Variants in CLRN1 observed in about 807,000 individuals in gnomAD.
CLRN1 encodes clarin-1.
CLRN1 carries 15 observed loss-of-function variants against 18.7 expected under a neutral mutation model. The observed-to-expected ratio is 0.80, with a 90% CI of 0.54 to 1.23. The LOEUF (loss-of-function observed/expected upper bound fraction) is 1.23. CLRN1 is among the 50% of genes most tolerant of loss of function. The probability of loss-of-function intolerance (pLI) is 0.00; values close to 1 mark genes in which losing one functional copy is unlikely to be tolerated. For synonymous variants in CLRN1, 104 were observed against 102.9 expected (o/e 1.01, Z -0.07); for missense variants, 311 against 277.5 (o/e 1.12, Z -0.86).
chr3:150,972,559 T>G lies in CLRN1; in HGVS notation c.150A>C (p.Ser50=). ...CCATAAACTTGTCCAGCTCCTGCCC[T>G]GAGGCATTGACGAGCAGAGCTCCCG... The part of the protein sequence containing the change: ...CKTGALLVNA[S]GQELDKFMGE... The change falls in exon 1 of 3, where the codon TCA becomes TCC. Residue 50 remains serine (S), a synonymous_variant. Transcript: ENST00000327047. The G allele has an allele frequency of 6.2e-7, 1 of 1,614,232 alleles. No individual in the cohort carries two copies. Among genetic ancestry groups the G allele is most frequent in the Non-Finnish European group, 8.5e-7 (1 of 1,180,036 alleles).
At chr3:150,942,778 C>G (rs1713932985) in intron 1 of CLRN1, 2 of 272,210 alleles carry the variant, frequency 7.3e-6, no homozygotes, top group Non-Finnish European at 1.5e-5. Context: ...TCTCATTTTT[C>G]TCCAATGCCT....
At position 150,952,769 on chromosome 3, in the gene CLRN1, G is replaced by A. The variant is rs1576639093; in HGVS notation, c.254-11008C>T. Among the ~76,000 whole-genome samples the A allele has an allele frequency of 2.0e-5, 3 of 152,284 alleles. No individual in the cohort carries two copies. The South Asian group carries it at 6.2e-4, about 32-fold the overall frequency. Reference sequence around the variant, plus strand: ...GGGTTGTTACCAAATTGAAACAAAGGCAGAAAGAAGTTGCACTGATTTGCC... The same window carrying A: ...GGGTTGTTACCAAATTGAAACAAAGACAGAAAGAAGTTGCACTGATTTGCC... On this transcript the variant is annotated intron_variant, in intron 1 of 2. Transcript: ENST00000327047.
At chr3:150,965,571 A>G (rs1159037657) in intron 1 of CLRN1, among the ~76,000 whole-genome samples, 1 of 152,202 alleles carries the variant, frequency 6.6e-6, no homozygotes, top group Non-Finnish European at 1.5e-5. Flanking sequence ...GGGGAAGATG[A>G]GTCACCTTCA....
intron 2 of CLRN1, among the ~76,000 whole-genome samples, chr3:150,934,107 T>C (rs1297874878): frequency 6.6e-6 from 1 of 152,040 alleles, no homozygotes; most frequent in Non-Finnish European, 1.5e-5. Flanking sequence ...AAGATGCAGA[T>C]TTTTTTTCAC....
intron 1 of CLRN1, among the ~76,000 whole-genome samples, chr3:150,955,801 G>T (rs1278230416): frequency 6.6e-6 from 1 of 152,128 alleles, no homozygotes; most frequent in Non-Finnish European, 1.5e-5. Context: ...CTGTTAGTTT[G>T]TCCCAAAGCC....
chr3:150,926,947 A>G lies in CLRN1; in HGVS notation c.*989T>C, dbSNP rs1336613305. ...GGTCATGCTTGGTGACAGCCAGAAC[A>G]AGACCAAGATGATACAGTGATACCG... is the stretch of plus-strand genomic sequence containing the variant. On this transcript the variant is annotated 3_prime_UTR_variant, in exon 3 of 3. Coordinates refer to ENST00000327047, the MANE Select transcript of CLRN1 (RefSeq NM_174878.3). 6.2e-7 allele frequency: 1 copy of G among 1,612,152 alleles called. No homozygotes were observed. The highest frequency in any genetic ancestry group is 8.5e-7 in the Non-Finnish European group (1 of 1,178,828).
At position 150,942,714 on chromosome 3, in the gene CLRN1, A is replaced by C. The variant is rs566188152; in HGVS notation, c.254-953T>G. ...ATAGCTTATCTCCAAAAATGGCCAC[A>C]ATCAATGCTTTTCCCCCTTTTACGC... is the stretch of plus-strand genomic sequence containing the variant. On this transcript the variant is annotated intron_variant, in intron 1 of 2. Transcript: ENST00000327047. The C allele has an allele frequency of 9.8e-5, 35 of 358,844 alleles. No individual in the cohort carries two copies. In the East Asian group the frequency reaches 3.5e-3, roughly 36 times the overall value. 22.2% of individuals were successfully genotyped at this position (358,844 alleles called of 1,614,324 possible).
intron 1 of CLRN1, among the ~76,000 whole-genome samples, chr3:150,955,480 G>C (rs760291815): frequency 3.9e-5 from 6 of 152,186 alleles, no homozygotes; most frequent in Non-Finnish European, 8.8e-5. Context: ...AGATAAAATA[G>C]TAGTAGCAAG....
intron 2 of CLRN1, among the ~76,000 whole-genome samples, chr3:150,938,314 T>A (rs897631865): frequency 6.6e-6 from 1 of 152,088 alleles, no homozygotes; most frequent in African/African-American, 2.4e-5. Context: ...CCCAATACAG[T>A]CTCTGGCCTC....
At chr3:150,943,454 T>C (rs1713974148) in intron 1 of CLRN1, among the ~76,000 whole-genome samples, 1 of 152,188 alleles carries the variant, frequency 6.6e-6, no homozygotes, top group Non-Finnish European at 1.5e-5. Flanking sequence ...TCAGAGATGG[T>C]GGCTGGACAT....
rs541056851 is a variant in CLRN1 at position 150,940,597 on chromosome 3, T to A, written c.433+985A>T. On this transcript the variant is annotated intron_variant, in intron 2 of 2. Coordinates refer to ENST00000327047, the MANE Select transcript of CLRN1 (RefSeq NM_174878.3). ...TTGTGTGAGTTGTTATCGTTCTGTA[T>A]CCCTCCATGAAACCATCAATAAAAT... 4.1e-5 allele frequency: 55 copies of A among 1,356,384 alleles called. No homozygotes were observed. The African/African-American group carries it at 7.8e-4, about 19-fold the overall frequency. 84.0% of individuals were successfully genotyped at this position (1,356,384 alleles called of 1,614,324 possible).
At chr3:150,931,692 G>T (rs1713156148) in intron 2 of CLRN1, among the ~76,000 whole-genome samples, 1 of 152,212 alleles carries the variant, frequency 6.6e-6, no homozygotes, top group South Asian at 2.1e-4. Flanking sequence ...CAGGGGAAGA[G>T]AAGTGGGTTT....
At position 150,941,707 on chromosome 3, in the gene CLRN1, A is replaced by G. The variant is rs769431540; in HGVS notation, c.308T>C (p.Leu103Pro). ...TAACACAATAAGGATGGCAGAGAAG[A>G]GAATGACATTGACGTGGATGCTCAC... Reference protein sequence around the residue: ...IPVSIHVNVILFSAILIVLTM... With the variant: ...IPVSIHVNVIPFSAILIVLTM... Residue 103 changes from leucine (L) to proline (P), a missense_variant, in exon 2 of 3, where the codon CTC (leucine) becomes CCC (proline). Leu to Pro is a moderately conservative substitution (Grantham distance 98). Transcript: ENST00000327047. 2 of 1,614,118 alleles carry G rather than the reference A, an allele frequency of 1.2e-6. No individual in the cohort carries two copies. Among genetic ancestry groups the G allele is most frequent in the Non-Finnish European group, 1.7e-6 (2 of 1,179,956 alleles).
chr3:150,941,598 A>C lies in CLRN1; in HGVS notation c.417T>G (p.Leu139=). The change falls in exon 2 of 3, where the codon CTT becomes CTG. Residue 139 remains leucine, a synonymous_variant. Transcript: ENST00000327047. ...TGTACTTACCTGAAATGAAGCTCAA[A>C]AGGTACAGCCCTAGGGGACCATGCA... is the stretch of plus-strand genomic sequence containing the variant. The part of the protein sequence containing the change: ...ETLHGPLGLY[L]LSFISGSCGC... 1 of 1,614,072 alleles carries C rather than the reference A, an allele frequency of 6.2e-7. No homozygotes were observed. Among genetic ancestry groups the C allele is most frequent in the Non-Finnish European group, 8.5e-7 (1 of 1,179,926 alleles).
intron 2 of CLRN1, among the ~76,000 whole-genome samples, chr3:150,932,533 A>G (rs1414702189): frequency 6.6e-6 from 1 of 152,228 alleles, no homozygotes; most frequent in African/African-American, 2.4e-5. Context: ...ATCATCTTCA[A>G]TTGTCTTATA....
At chr3:150,959,862 C>G (rs1714941034) in intron 1 of CLRN1, among the ~76,000 whole-genome samples, 1 of 151,986 alleles carries the variant, frequency 6.6e-6, no homozygotes, top group East Asian at 1.9e-4. Flanking sequence ...ATTGCTGATT[C>G]CAGTCTAACA....
At chr3:150,945,775 T>G (rs1028956523) in intron 1 of CLRN1, 3 of 645,558 alleles carry the variant, frequency 4.6e-6, no homozygotes, top group African/African-American at 1.9e-5. Flanking sequence ...ATATCCTGTG[T>G]TAGCTAGGGT....
At chr3:150,962,706 G>A (rs1715093166) in intron 1 of CLRN1, among the ~76,000 whole-genome samples, 1 of 152,198 alleles carries the variant, frequency 6.6e-6, no homozygotes, top group Non-Finnish European at 1.5e-5. Flanking sequence ...TTAGTTGGCA[G>A]TGATCTTAAA....
At position 150,926,902 on chromosome 3, in the gene CLRN1, G is replaced by A; in HGVS notation, c.*1034C>T. On this transcript the variant is annotated 3_prime_UTR_variant, in exon 3 of 3. Coordinates refer to ENST00000327047, the MANE Select transcript of CLRN1 (RefSeq NM_174878.3). Reference sequence around the variant, plus strand: ...AGATCAATTTGATGGGTAATTCAGGGGAAAAAAAAAGTTGACCTGGGTCAT... The same window carrying A: ...AGATCAATTTGATGGGTAATTCAGGAGAAAAAAAAAGTTGACCTGGGTCAT... The A allele has an allele frequency of 6.2e-7, 1 of 1,613,486 alleles. No homozygotes were observed. The highest frequency in any genetic ancestry group is 8.5e-7 in the Non-Finnish European group (1 of 1,179,854).
Sources: gnomAD v4.1 joint callset for allele counts (sites outside exome capture counted in the v4.1 genomes callset) on GRCh38, gnomAD v4.1.1 for gene constraint, MANE v1.5 for transcripts, NCBI Gene and HGNC (gene_info 2026-07-23, HGNC 2026-07-21) for gene names.